The following TENM1 variants were observed in gnomAD, a reference collection of about 807,000 sequenced individuals.
TENM1 encodes the protein teneurin transmembrane protein 1.
In TENM1, 35 loss-of-function variants were observed where a neutral mutation model predicts 174.8. The ratio of observed to expected loss-of-function variants is 0.20; its 90% CI spans 0.15 to 0.27. The LOEUF is 0.27. Among genes scored for constraint, TENM1 ranks in the 10% least tolerant of loss-of-function variants. The pLI is 1.00. For synonymous variants in TENM1, 781 were observed against 798.7 expected (o/e 0.98, Z 0.37); for missense variants, 1,633 against 2,130.1 (o/e 0.77, Z 4.59).
At chrX:124,510,662 A>T (rs1037767126) in intron 18 of TENM1, among the ~76,000 whole-genome samples, 3 of 110,728 alleles carry the variant, frequency 2.7e-5, no homozygotes, top group African/African-American at 9.9e-5. Flanking sequence ...AAGTCATTTA[A>T]TTTTTCTGTT....
At chrX:124,778,993 CTG>C (rs1407811110) in intron 3 of TENM1, among the ~76,000 whole-genome samples, 9 of 112,125 alleles carry the variant, frequency 8.0e-5, no homozygotes, top group Admixed American at 4.7e-4. Flanking sequence ...TGATTACACA[CTG>C]TACAAGAGTG....
intron 16 of TENM1, among the ~76,000 whole-genome samples, chrX:124,526,367 A>G (rs990607246): frequency 8.9e-6 from 1 of 111,843 alleles, no homozygotes; most frequent in African/African-American, 3.2e-5. Flanking sequence ...TCAAGACAAT[A>G]ATATCAATAT....
the TENM1 span, among the ~76,000 whole-genome samples, chrX:125,088,572 T>A: frequency 9.0e-6 from 1 of 111,502 alleles, no homozygotes; most frequent in Admixed American, 9.5e-5. Flanking sequence ...TAAAGCTTAT[T>A]AATTTTTTTA....
chrX:125,036,496 G>A, the TENM1 span, among the ~76,000 whole-genome samples: 1 of 111,071 alleles, frequency 9.0e-6, no homozygotes, highest in African/African-American at 3.3e-5. Flanking sequence ...ATAGTGTTGG[G>A]CAGAGTTTAA....
rs775658351 is a variant in TENM1 at position 124,880,345 on chromosome X, T to C, written c.535+13951A>G. The stretch of plus-strand genomic sequence containing the variant: ...CCTCAGCTAGTTCATTACTGATGTA[T>C]AACAATGCTACTAATTTTTGCAAAC... On this transcript the variant is annotated intron_variant, in intron 3 of 31. Transcript: ENST00000422452. 6.2e-5 allele frequency among the ~76,000 whole-genome samples: 7 copies of C among 112,243 alleles called. No homozygotes were observed. In the East Asian group the frequency reaches 1.1e-3, roughly 18 times the overall value.
chrX:124,504,113 A>G (rs1297572513), intron 18 of TENM1, among the ~76,000 whole-genome samples: 2 of 111,742 alleles, frequency 1.8e-5, no homozygotes, highest in Non-Finnish European at 3.8e-5. Context: ...TTACCACTAT[A>G]GTGAAAAATG....
chrX:125,189,289 T>A, the TENM1 span, among the ~76,000 whole-genome samples: 29 of 111,983 alleles, frequency 2.6e-4, no homozygotes, highest in East Asian at 7.9e-3. Flanking sequence ...TCACCCTTTA[T>A]CTCTCTATTC....
the TENM1 span, among the ~76,000 whole-genome samples, chrX:125,148,563 G>C: frequency 9.0e-6 from 1 of 111,674 alleles, no homozygotes; most frequent in Admixed American, 9.6e-5. Context: ...ATATGGTGAT[G>C]ACCCTCAAGT....
chrX:124,922,376 A>G (rs920542259), intron 1 of TENM1, among the ~76,000 whole-genome samples: 2 of 111,799 alleles, frequency 1.8e-5, no homozygotes, highest in African/African-American at 3.2e-5. Flanking sequence ...TTTTCAGTGT[A>G]GAACAAAGTA....
intron 11 of TENM1, among the ~76,000 whole-genome samples, chrX:124,607,366 A>G (rs1270931384): frequency 1.8e-5 from 2 of 110,910 alleles, no homozygotes; most frequent in Non-Finnish European, 3.8e-5. Flanking sequence ...ATATTGGGTG[A>G]TCAGGGAAAG....
the TENM1 span, among the ~76,000 whole-genome samples, chrX:125,137,716 T>C: frequency 9.0e-6 from 1 of 111,690 alleles, no homozygotes; most frequent in African/African-American, 3.3e-5. Flanking sequence ...GCTGAACAGA[T>C]GGCCAGTGAT....
chrX:124,503,159 A>C (rs146680649), intron 19 of TENM1, among the ~76,000 whole-genome samples: 8 of 111,861 alleles, frequency 7.2e-5, no homozygotes, highest in African/African-American at 2.6e-4. Context: ...GGAAAGCTGT[A>C]TGAAAACACC....
chrX:124,442,504 C>A (rs899446819), intron 23 of TENM1, among the ~76,000 whole-genome samples: 4 of 111,234 alleles, frequency 3.6e-5, no homozygotes, highest in African/African-American at 1.3e-4. Context: ...AGCAAGTAAT[C>A]CATGAAGAAG....
At chrX:125,138,685 A>G in the TENM1 span, among the ~76,000 whole-genome samples, 3 of 111,265 alleles carry the variant, frequency 2.7e-5, no homozygotes, top group Non-Finnish European at 5.7e-5. Context: ...GGAAGCAGGC[A>G]TGAGAGGAGC....
intron 4 of TENM1, among the ~76,000 whole-genome samples, chrX:124,707,397 T>A (rs2052935421): frequency 9.0e-6 from 1 of 111,432 alleles, no homozygotes; most frequent in Admixed American, 9.6e-5. Flanking sequence ...GAGACAGGAA[T>A]AATATAGTGT....
intron 11 of TENM1, among the ~76,000 whole-genome samples, chrX:124,584,519 A>G (rs2148227188): frequency 9.0e-6 from 1 of 111,409 alleles, no homozygotes; most frequent in East Asian, 2.8e-4. Flanking sequence ...CTGCCCTAAA[A>G]GAGCTCCTGA....
At chrX:124,835,824 C>G (rs2056380771) in intron 3 of TENM1, among the ~76,000 whole-genome samples, 1 of 111,969 alleles carries the variant, frequency 8.9e-6, no homozygotes, top group South Asian at 3.7e-4. Flanking sequence ...GAATATCACT[C>G]CACAGGGGAG....
At chrX:124,981,567 G>A in the TENM1 span, among the ~76,000 whole-genome samples, 1 of 111,570 alleles carries the variant, frequency 9.0e-6, no homozygotes, top group Non-Finnish European at 1.9e-5. Flanking sequence ...CCACTAAGAG[G>A]TATACCCCAT....
At chrX:124,679,470 T>C (rs1401084620) in intron 5 of TENM1, among the ~76,000 whole-genome samples, 1 of 111,917 alleles carries the variant, frequency 8.9e-6, no homozygotes, top group African/African-American at 3.2e-5. Context: ...ACCAGACCGA[T>C]ACTTCAGTGG....
Sources: allele counts gnomAD v4.1 joint callset (sites outside exome capture counted in the v4.1 genomes callset), GRCh38; gene constraint gnomAD v4.1.1; transcripts MANE v1.5; gene names NCBI Gene and HGNC (gene_info 2026-07-23, HGNC 2026-07-21).